Variants in ZNF85 observed in about 807,000 individuals in gnomAD.
ZNF85 encodes the protein zinc finger protein 85.
ZNF85 carries 50 observed loss-of-function variants against 53.9 expected under a neutral mutation model. The observed-to-expected ratio is 0.93, with a 90% CI of 0.74 to 1.17. The LOEUF is 1.17. Among genes scored for constraint, ZNF85 ranks in the 50% most tolerant of loss-of-function variants. The pLI, the probability that ZNF85 is intolerant of heterozygous loss-of-function variation, is 0.00. For synonymous variants in ZNF85, 225 were observed against 226.1 expected, an observed-to-expected ratio of 1.00 and a Z score of 0.04; for missense variants, 747 against 688.5, an observed-to-expected ratio of 1.08 and a Z score of -0.95.
In ZNF85 at chr19:20,949,261, G is replaced by A. The variant is rs768324928; in HGVS notation, c.747G>A (p.Lys249=). The A allele has an allele frequency of 6.2e-7, 1 of 1,612,724 alleles. No individual in the cohort carries two copies. Among genetic ancestry groups the A allele is most frequent in the Non-Finnish European group, 8.5e-7 (1 of 1,179,544 alleles). Residue 249 remains lysine (K), a synonymous_variant, in exon 4 of 4, where the codon AAG becomes AAA. Coordinates refer to ENST00000328178, the MANE Select transcript of ZNF85 (RefSeq NM_003429.5). ...FNQSSNLIKH[K]KIHTGEKPYK... is the part of the protein sequence containing the mutation. ...AGTCCTCAAACCTTATTAAACATAA[G>A]AAAATTCATACTGGAGAGAAACCCT... is the stretch of plus-strand genomic sequence containing the variant.
intron 3 of ZNF85, among the ~76,000 whole-genome samples, chr19:20,940,248 G>A (rs1228017314): frequency 6.6e-6 from 1 of 151,750 alleles, no homozygotes; most frequent in Non-Finnish European, 1.5e-5. Flanking sequence ...TACATTTTAG[G>A]GCCAGGCATG....
chr19:20,923,421 G>T lies in ZNF85; in HGVS notation c.3+18G>T. ...TAGAAATGGTGAGAGTGCCAGGTCCGCCATCCCGAGGGGGAAAGGGGTTGG... is the reference window on the plus strand; with the variant it reads ...TAGAAATGGTGAGAGTGCCAGGTCCTCCATCCCGAGGGGGAAAGGGGTTGG... On this transcript the variant is annotated intron_variant, in intron 1 of 3. Coordinates refer to ENST00000328178, the MANE Select transcript of ZNF85 (RefSeq NM_003429.5). 6.2e-7 allele frequency: 1 copy of T among 1,613,972 alleles called. No homozygotes were observed. Among genetic ancestry groups the T allele is most frequent in the Non-Finnish European group, 8.5e-7 (1 of 1,179,918 alleles).
At chr19:20,929,065 T>C (rs777739247) in intron 1 of ZNF85, among the ~76,000 whole-genome samples, 1 of 152,112 alleles carries the variant, frequency 6.6e-6, no homozygotes, top group Non-Finnish European at 1.5e-5. Flanking sequence ...GTGTCTGTTG[T>C]TTCTTTCTTT....
chr19:20,937,220 C>T (rs1568549944), intron 3 of ZNF85: 4 of 413,298 alleles, frequency 9.7e-6, no homozygotes, highest in African/African-American at 2.1e-5. Flanking sequence ...TTAGTAGAGA[C>T]GAAGTTTCAC....
chr19:20,934,325 T>C (rs1973104978), intron 2 of ZNF85, among the ~76,000 whole-genome samples, 175 bp downstream of exon 2: 1 of 152,212 alleles, frequency 6.6e-6, no homozygotes, highest in Non-Finnish European at 1.5e-5. Flanking sequence ...GATGTTTCAT[T>C]TTGACCTTAA....
intron 1 of ZNF85, among the ~76,000 whole-genome samples, chr19:20,926,412 T>C (rs916297452): frequency 7.9e-5 from 12 of 152,162 alleles, no homozygotes; most frequent in Non-Finnish European, 1.5e-4. Context: ...ATGCTTTTGC[T>C]TTTCTAATTG....
chr19:20,931,242 G>A (rs1347037386), intron 1 of ZNF85, among the ~76,000 whole-genome samples: 31 of 152,156 alleles, frequency 2.0e-4, no homozygotes, highest in Admixed American at 2.0e-3. Context: ...TTTCAAACCT[G>A]CAGAATCATA....
At chr19:20,930,891 G>A (rs1973000979) in intron 1 of ZNF85, among the ~76,000 whole-genome samples, 1 of 152,134 alleles carries the variant, frequency 6.6e-6, no homozygotes, top group South Asian at 2.1e-4. Context: ...TCCTGCCTCA[G>A]CCTCCCTAGT....
At chr19:20,940,080 A>T (rs1356798827) in intron 3 of ZNF85, among the ~76,000 whole-genome samples, 1 of 151,236 alleles carries the variant, frequency 6.6e-6, no homozygotes, top group Admixed American at 6.6e-5. Flanking sequence ...GCGTTTAATA[A>T]TGAATATCTA....
rs948851046 is a variant in ZNF85 at position 20,928,167 on chromosome 19, T to C, written c.3+4764T>C. ...TAGCTCAGAAGCATAGGTGGGCCTA[T>C]GGGGTTTGTGACTGGCATCTGTAAT... On this transcript the variant is annotated intron_variant, in intron 1 of 3. Transcript: ENST00000328178. The C allele has an allele frequency of 2.0e-5, 3 of 152,128 alleles. No individual in the cohort carries two copies. In the South Asian group the frequency reaches 6.2e-4, roughly 32 times the overall value. The allele number at this position is 152,128 out of a possible 1,614,324, so 9.4% of individuals were successfully genotyped here.
At position 20,949,442 on chromosome 19, in the gene ZNF85, G is replaced by GGA; in HGVS notation, c.933_934dup (p.Lys312ArgfsTer24). 6.2e-7 allele frequency: 1 copy of GGA among 1,610,692 alleles called. No homozygotes were observed. Among genetic ancestry groups the GGA allele is most frequent in the Non-Finnish European group, 8.5e-7 (1 of 1,177,912 alleles). Reference sequence around the variant, plus strand: ...TACTACCCATAGAAAAATTCATACTGGAGAGAAACCTTACAAATGTGAAGA... The same window carrying GGA: ...TACTACCCATAGAAAAATTCATACTGGAGAGAGAAACCTTACAAATGTGAAGA... On this transcript the variant is annotated frameshift_variant, in exon 4 of 4. Transcript: ENST00000328178. LOFTEE classifies it high-confidence loss of function.
At chr19:20,937,217 A>G (rs893973359) in intron 3 of ZNF85, 2 of 409,512 alleles carry the variant, frequency 4.9e-6, no homozygotes, top group African/African-American at 4.2e-5. Flanking sequence ...ATTTTAGTAG[A>G]GACGAAGTTT....
intron 3 of ZNF85, among the ~76,000 whole-genome samples, chr19:20,946,650 T>C (rs1973429623): frequency 6.6e-6 from 1 of 152,100 alleles, no homozygotes; most frequent in Non-Finnish European, 1.5e-5. Flanking sequence ...TCTATTATTG[T>C]TTAATGTCCT....
At chr19:20,927,874 C>T (rs905098079) in intron 1 of ZNF85, 6 of 151,926 alleles carry the variant, frequency 3.9e-5, no homozygotes, top group African/African-American at 1.2e-4. Context: ...GAGCAAGACT[C>T]CATCTGAGGG....
Position 20,950,196 on chromosome 19 carries a change from C to A in ZNF85, c.1682C>A (p.Thr561Asn). The A allele has an allele frequency of 1.2e-6, 2 of 1,612,620 alleles. No individual in the cohort carries two copies. The highest frequency in any genetic ancestry group is 2.2e-5 in the South Asian group (2 of 90,774). The part of the protein sequence containing the change: ...SNLTKHKRIH[T>N]GEKPYKCEEC... ...CTTACTAAACATAAGAGAATTCATA[C>A]TGGAGAAAAACCTTACAAATGTGAA... Residue 561 changes from threonine (T) to asparagine (N), a missense_variant, in exon 4 of 4, where the codon ACT becomes AAT. Coordinates refer to ENST00000328178, the MANE Select transcript of ZNF85 (RefSeq NM_003429.5).
rs1395432512 is a variant in ZNF85, at chr19:20,950,608, A to G, written c.*306A>G. The G allele has an allele frequency of 8.7e-6, 2 of 230,226 alleles. No individual in the cohort carries two copies. Among genetic ancestry groups the G allele is most frequent in the African/African-American group, 4.5e-5 (2 of 44,350 alleles). 14.3% of individuals were successfully genotyped at this position (230,226 alleles called of 1,614,324 possible). A position where few individuals can be genotyped will look rare whatever the true frequency, so the allele number is the denominator to read the frequency against. ...AGAATTTTTAGTTGAGAAAAAGTATACAAATATAAAGAATGTGGAAAAGCC... is the reference window on the plus strand; with the variant it reads ...AGAATTTTTAGTTGAGAAAAAGTATGCAAATATAAAGAATGTGGAAAAGCC... On this transcript the variant is annotated 3_prime_UTR_variant, in exon 4 of 4. Transcript: ENST00000328178.
At chr19:20,935,607 C>T (rs1973138788) in intron 3 of ZNF85, among the ~76,000 whole-genome samples, 1 of 151,564 alleles carries the variant, frequency 6.6e-6, no homozygotes, top group Non-Finnish European at 1.5e-5. Flanking sequence ...ATTATAGTTT[C>T]ATGTATGTTT....
At chr19:20,948,705 C>A in intron 3 of ZNF85, 39 bp from the exon 4 acceptor site, 1 of 1,406,644 alleles carries the variant, frequency 7.1e-7, no homozygotes, top group South Asian at 1.5e-5. Context: ...TCATCTAAGT[C>A]TAGCAAGTGG....
chr19:20,941,167 A>G (rs926194270), intron 3 of ZNF85, among the ~76,000 whole-genome samples: 1 of 152,042 alleles, frequency 6.6e-6, no homozygotes, highest in African/African-American at 2.4e-5. Context: ...GGGTTTTTTT[A>G]TATTTTATAG....
Sources: gnomAD v4.1 joint callset for allele counts (sites outside exome capture counted in the v4.1 genomes callset) on GRCh38, gnomAD v4.1.1 for gene constraint, MANE v1.5 for transcripts, NCBI Gene and HGNC (gene_info 2026-07-23, HGNC 2026-07-21) for gene names.